The following TSHR variants were observed in gnomAD, a reference collection of about 807,000 sequenced individuals.
The protein encoded by TSHR is thyrotropin receptor.
TSHR carries 51 observed loss-of-function variants against 64.1 expected under a neutral mutation model. That is an observed-to-expected ratio of 0.80 (90% CI 0.64 to 1.01). TSHR has a LOEUF of 1.01. Ranked by LOEUF, TSHR falls within the 50% of genes least tolerant of loss-of-function variation. The pLI is 0.00. For missense variants in TSHR, 877 were observed against 942.8 expected (o/e 0.93, Z 0.91); for synonymous variants, 361 against 361.9 (o/e 1.00, Z 0.03).
chr14:81,115,941 G>T (rs949505502), intron 8 of TSHR, among the ~76,000 whole-genome samples: 1 of 152,010 alleles, frequency 6.6e-6, no homozygotes, highest in Non-Finnish European at 1.5e-5. Context: ...AGCTTCATAA[G>T]TGAAGGAGAA....
chr14:81,082,888 C>T (rs1888009729), intron 3 of TSHR, among the ~76,000 whole-genome samples: 1 of 152,090 alleles, frequency 6.6e-6, no homozygotes, highest in Admixed American at 6.6e-5. Flanking sequence ...GCATGCTTCT[C>T]ACTCATTAAC....
intron 1 of TSHR, among the ~76,000 whole-genome samples, chr14:81,017,483 C>T (rs867771322): frequency 2.0e-5 from 3 of 152,098 alleles, no homozygotes; most frequent in African/African-American, 4.8e-5. Flanking sequence ...AATGTCAATC[C>T]GCCTGGCACT....
At position 80,955,804 on chromosome 14, in the gene TSHR, A is replaced by T. The variant is rs766387143; in HGVS notation, c.124A>T (p.Lys42Ter). The T allele has an allele frequency of 2.5e-6, 4 of 1,614,084 alleles. No homozygotes were observed. In the African/African-American group the frequency reaches 5.3e-5, roughly 22 times the overall value. The change falls in exon 1 of 10, where the codon AAG becomes TAG. Residue 42 changes from lysine (K) to a stop codon, truncating the protein, a stop_gained. Coordinates refer to ENST00000298171, the MANE Select transcript of TSHR (RefSeq NM_000369.5). LOFTEE classifies it high-confidence loss of function. ...HQEEDFRVTC[K>*]DIQRIPSLPP... ...GGAGGAGGACTTCAGAGTCACCTGC[A>T]AGGATATTCAACGCATCCCCAGCTT...
chr14:81,072,580 A>C (rs1479604094), intron 3 of TSHR, among the ~76,000 whole-genome samples: 1 of 152,180 alleles, frequency 6.6e-6, no homozygotes, highest in Non-Finnish European at 1.5e-5. Context: ...TTTCTGGAAT[A>C]AATAGTAGAT....
chr14:80,969,768 T>C (rs951489328), intron 1 of TSHR, among the ~76,000 whole-genome samples: 1 of 152,222 alleles, frequency 6.6e-6, no homozygotes, highest in Admixed American at 6.5e-5. Flanking sequence ...GAGTAATCAG[T>C]GGATACTCTC....
chr14:81,108,411 C>T lies in TSHR; in HGVS notation c.651C>T (p.Asp217=), dbSNP rs1275571624. Residue 217 remains aspartate, a synonymous_variant, in exon 8 of 10, where the codon GAC becomes GAT. Transcript: ENST00000298171. Reference sequence around the variant, plus strand: ...AGAATAAATACCTGACAGTTATTGACAAAGATGCATTTGGAGGAGTATACA... The same window carrying T: ...AGAATAAATACCTGACAGTTATTGATAAAGATGCATTTGGAGGAGTATACA... ...LNKNKYLTVI[D]KDAFGGVYSG... The T allele has an allele frequency of 6.2e-7, 1 of 1,612,712 alleles. No homozygotes were observed. The highest frequency in any genetic ancestry group is 1.1e-5 in the South Asian group (1 of 91,000).
intron 1 of TSHR, among the ~76,000 whole-genome samples, chr14:81,021,739 C>T (rs538812172): frequency 3.9e-5 from 6 of 152,242 alleles, no homozygotes; most frequent in East Asian, 1.9e-4. Context: ...ACAGTTCTTA[C>T]GGCTTATTGA....
At chr14:81,128,193 G>T (rs1891094152) in intron 8 of TSHR, among the ~76,000 whole-genome samples, 1 of 152,164 alleles carries the variant, frequency 6.6e-6, no homozygotes, top group Non-Finnish European at 1.5e-5. Context: ...GAATTTTCTT[G>T]TTAATAATAA....
At chr14:81,139,608 T>A in intron 8 of TSHR, 71 bp from the exon 9 acceptor site, 2 of 1,545,872 alleles carry the variant, frequency 1.3e-6, no homozygotes, top group Non-Finnish European at 1.8e-6. Context: ...CCTGTTTGAG[T>A]TTCTGGCCAA....
chr14:80,999,938 T>G (rs1889224802), intron 1 of TSHR, among the ~76,000 whole-genome samples: 1 of 148,956 alleles, frequency 6.7e-6, no homozygotes, highest in South Asian at 2.1e-4. Flanking sequence ...TTTTTTTCTT[T>G]TTTTTTTTTT....
At position 80,991,065 on chromosome 14, in the gene TSHR, G is replaced by C. The variant is rs112681723; in HGVS notation, c.170+35215G>C. Among the ~76,000 whole-genome samples the C allele has an allele frequency of 1.8e-3, 271 of 152,296 alleles. 3 individuals are homozygous for C. Among genetic ancestry groups the C allele is most frequent in the African/African-American group, 6.2e-3 (257 of 41,554 alleles). On this transcript the variant is annotated intron_variant, in intron 1 of 9. Transcript: ENST00000298171. ...GATTTTTCTCTCTTAAGAATTATGTGCAAATCCATATGTGACTTTTAAAAA... is the reference window on the plus strand; with the variant it reads ...GATTTTTCTCTCTTAAGAATTATGTCCAAATCCATATGTGACTTTTAAAAA...
intron 1 of TSHR, among the ~76,000 whole-genome samples, chr14:80,956,832 G>C (rs1886719856): frequency 6.6e-6 from 1 of 152,146 alleles, no homozygotes; most frequent in Non-Finnish European, 1.5e-5. Context: ...TGTGCTCAGA[G>C]ATATCCTAGT....
chr14:81,109,994 T>C (rs959525293), intron 8 of TSHR, among the ~76,000 whole-genome samples: 5 of 152,224 alleles, frequency 3.3e-5, no homozygotes, highest in Non-Finnish European at 1.5e-5. Context: ...CTTCGCCAAG[T>C]AATAAGAAAA....
chr14:81,002,788 T>TTTTTTTTTTTTTTTTTTC (rs1889399853), intron 1 of TSHR, among the ~76,000 whole-genome samples: 1 of 34,720 alleles, frequency 2.9e-5, no homozygotes, highest in Non-Finnish European at 8.0e-5. Context: ...CCTCTTTTTT[T>TTTTTTTTTTTTTTTTTTC]TTTTTTTTTT....
In TSHR at chr14:81,108,782, A is replaced by G. The variant is rs551118793; in HGVS notation, c.692+330A>G. ...TTTGAAATGCAAGATCCACAACTAG[A>G]TGGAAGGCACTCTAGTCTTTGCAGA... is the stretch of plus-strand genomic sequence containing the variant. On this transcript the variant is annotated intron_variant, in intron 8 of 9. Transcript: ENST00000298171. 2,213 of 1,593,794 alleles carry G rather than the reference A, an allele frequency of 1.4e-3. 6 individuals carry two copies. The highest frequency in any genetic ancestry group is 1.6e-3 in the Non-Finnish European group (1,879 of 1,173,858).
At chr14:81,109,545 C>T (rs998186094) in intron 8 of TSHR, among the ~76,000 whole-genome samples, 2 of 152,136 alleles carry the variant, frequency 1.3e-5, no homozygotes, top group African/African-American at 2.4e-5. Context: ...TAAATAAGAA[C>T]AAATTAAGTT....
chr14:81,141,465 T>C (rs1455683949), intron 9 of TSHR, among the ~76,000 whole-genome samples: 1 of 152,252 alleles, frequency 6.6e-6, no homozygotes, highest in Non-Finnish European at 1.5e-5. Context: ...TAAATCTTAT[T>C]TCCACAAGCA....
chr14:81,066,375 A>G (rs1005754565), intron 2 of TSHR, among the ~76,000 whole-genome samples: 4 of 152,182 alleles, frequency 2.6e-5, no homozygotes, highest in Admixed American at 2.0e-4. Context: ...AATTCCTTTC[A>G]ATCTGTTCCA....
At chr14:81,011,393 G>C (rs1396821104) in intron 1 of TSHR, among the ~76,000 whole-genome samples, 1 of 151,680 alleles carries the variant, frequency 6.6e-6, no homozygotes, top group Admixed American at 6.6e-5. Flanking sequence ...TTTCTATTTT[G>C]GTCATTTATA....
Sources: gnomAD v4.1 joint callset for allele counts (sites outside exome capture counted in the v4.1 genomes callset) on GRCh38, gnomAD v4.1.1 for gene constraint, MANE v1.5 for transcripts, NCBI Gene and HGNC (gene_info 2026-07-23, HGNC 2026-07-21) for gene names.